TUBGCP4: variants seen among roughly 807,000 people sequenced by gnomAD.
TUBGCP4 encodes the protein gamma-tubulin complex component 4.
Under a neutral mutation model 91.6 loss-of-function variants are expected in TUBGCP4, and 54 were observed. The ratio of observed to expected loss-of-function variants is 0.59; its 90% confidence interval spans 0.47 to 0.74. The LOEUF (loss-of-function observed/expected upper bound fraction) is 0.74. TUBGCP4 is among the 30% of genes least tolerant of loss of function. The pLI is 0.00. For missense variants in TUBGCP4, 593 were observed against 800.9 expected (o/e 0.74, Z 3.13); for synonymous variants, 297 against 302.8 (o/e 0.98, Z 0.20).
At chr15:43,405,087 A>C in intron 17 of TUBGCP4, 115 bp from the exon 18 acceptor site, 1 of 1,231,688 alleles carries the variant, frequency 8.1e-7, no homozygotes, top group Non-Finnish European at 1.2e-6. Flanking sequence ...GTCAAAAGAA[A>C]CTCTTCAGTT....
At position 43,371,120 on chromosome 15, in the gene TUBGCP4, C is replaced by G; in HGVS notation, c.-235C>G. ...CGACTCAGTCTCCGCAGAGCCCGGG[C>G]GGGAGTAGCTGGTGGACCCCGTTGA... On this transcript the variant is annotated 5_prime_UTR_variant, in exon 1 of 18. Transcript: ENST00000564079. 1 of 590,208 alleles carries G rather than the reference C, an allele frequency of 1.7e-6. No individual in the cohort carries two copies. The highest frequency in any genetic ancestry group is 3.0e-6 in the Non-Finnish European group (1 of 328,518). 36.6% of individuals were successfully genotyped at this position (590,208 alleles called of 1,614,324 possible). A position where few individuals can be genotyped will look rare whatever the true frequency, so the allele number is the denominator to read the frequency against.
In TUBGCP4 at chr15:43,383,321, T is replaced by C; in HGVS notation, c.540T>C (p.His180=). The C allele has an allele frequency of 6.2e-7, 1 of 1,613,816 alleles. No homozygotes were observed. Among genetic ancestry groups the C allele is most frequent in the Non-Finnish European group, 8.5e-7 (1 of 1,179,800 alleles). ...SALEKILAVC[H]GVMYKQLSAW... is the part of the protein sequence containing the mutation. ...TGCCCAGAATCCTGGCCGTTTGTCA[T>C]GGGGTCATGTATAAACAGCTCTCAG... Residue 180 remains histidine (H), a synonymous_variant, in exon 7 of 18, where the codon CAT becomes CAC. Transcript: ENST00000564079.
chr15:43,392,035 A>G lies in TUBGCP4; in HGVS notation c.1015-3072A>G, dbSNP rs923467189. Among the ~76,000 whole-genome samples, 6 of 151,624 alleles carry G rather than the reference A, an allele frequency of 4.0e-5. 1 individual carries two copies. Among genetic ancestry groups the G allele is most frequent in the Non-Finnish European group, 1.5e-5 (1 of 67,924 alleles). On this transcript the variant is annotated intron_variant, in intron 9 of 17. Transcript: ENST00000564079. ...GTGCCACTGCATTCCAGCCTGGACA[A>G]TAGAGTAAGACTCCGTCTCAAAATA...
chr15:43,377,260 G>C (rs369778625), intron 4 of TUBGCP4, among the ~76,000 whole-genome samples, 193 bp downstream of exon 4: 19 of 152,258 alleles, frequency 1.2e-4, no homozygotes, highest in African/African-American at 4.6e-4. Context: ...CTTAATGTCT[G>C]ATATTAACGC....
rs536582469 is a variant in TUBGCP4, at chr15:43,371,495, T to C, written c.78+63T>C. 1.1e-4 allele frequency: 162 copies of C among 1,540,512 alleles called. No homozygotes were observed. In the African/African-American group the frequency reaches 1.8e-3, roughly 17 times the overall value. On this transcript the variant is annotated intron_variant, in intron 1 of 17. Transcript: ENST00000564079. Reference sequence around the variant, plus strand: ...AGGAGGGGGGACCTGAGCCAGCGCCTGGGGGAGTAGGCTGAGGGACCTAGC... The same window carrying C: ...AGGAGGGGGGACCTGAGCCAGCGCCCGGGGGAGTAGGCTGAGGGACCTAGC...
chr15:43,392,201 T>TA (rs2044484468), intron 9 of TUBGCP4, among the ~76,000 whole-genome samples: 1 of 151,736 alleles, frequency 6.6e-6, no homozygotes, highest in African/African-American at 2.4e-5. Flanking sequence ...TTTTTTTTTT[T>TA]ACTCTTTCCC....
chr15:43,402,027 C>T (rs2044692920), intron 15 of TUBGCP4, 177 bp downstream of exon 15: 2 of 711,684 alleles, frequency 2.8e-6, no homozygotes, highest in South Asian at 4.0e-5. Context: ...AATCCCAGCA[C>T]TTTGGGAGGC....
rs1336304440 is a variant in TUBGCP4, at chr15:43,409,106, A to C, written c.*3892A>C. 7.4e-6 allele frequency: 12 copies of C among 1,613,994 alleles called. No individual in the cohort carries two copies. Among genetic ancestry groups the C allele is most frequent in the Non-Finnish European group, 1.0e-5 (12 of 1,179,890 alleles). On this transcript the variant is annotated 3_prime_UTR_variant, in exon 18 of 18. Coordinates refer to ENST00000564079, the MANE Select transcript of TUBGCP4 (RefSeq NM_014444.5). Reference sequence around the variant, plus strand: ...GGTAAGCTGTGTTACACTGCAAGAAAAGAAGCAGAGCCAATGGGTTTGGTG... The same window carrying C: ...GGTAAGCTGTGTTACACTGCAAGAACAGAAGCAGAGCCAATGGGTTTGGTG...
chr15:43,394,588 T>C (rs972353640), intron 9 of TUBGCP4: 1 of 152,776 alleles, frequency 6.5e-6, no homozygotes, highest in Non-Finnish European at 1.5e-5. Flanking sequence ...ATTGATATGC[T>C]TGGACCTGTG....
chr15:43,408,190 A>C lies in TUBGCP4; in HGVS notation c.*2976A>C. The C allele has an allele frequency of 1.7e-6, 2 of 1,201,122 alleles. No homozygotes were observed. Among genetic ancestry groups the C allele is most frequent in the Non-Finnish European group, 2.3e-6 (2 of 858,428 alleles). The allele number at this position is 1,201,122 out of a possible 1,614,324, so 74.4% of individuals were successfully genotyped here. ...TACATCTGAATGCTTTCAAAAATAAATGCCCCATCAGACATAGTGTCTCAA... is the reference window on the plus strand; with the variant it reads ...TACATCTGAATGCTTTCAAAAATAACTGCCCCATCAGACATAGTGTCTCAA... On this transcript the variant is annotated 3_prime_UTR_variant, in exon 18 of 18. Transcript: ENST00000564079.
At chr15:43,374,946 A>G (rs1418389941) in intron 1 of TUBGCP4, among the ~76,000 whole-genome samples, 1 of 152,236 alleles carries the variant, frequency 6.6e-6, no homozygotes, top group African/African-American at 2.4e-5. Flanking sequence ...TCTGTTGCCC[A>G]GGCTGGAGGG....
Position 43,403,752 on chromosome 15 carries a change from G to GTCA in TUBGCP4, c.1801_1802insTCA (p.Gly601delinsValSer), listed in dbSNP as rs779856199. The stretch of plus-strand genomic sequence containing the variant: ...TTGTTCGCTGGTCAGTCAGAACCTA[G>GTCA]GCCCACTGGATGAGCGTGGAGCCGC... On this transcript the variant is annotated protein_altering_variant, in exon 16 of 18. Transcript: ENST00000564079. The GTCA allele has an allele frequency of 6.2e-7, 1 of 1,613,760 alleles. No homozygotes were observed. The highest frequency in any genetic ancestry group is 2.2e-5 in the East Asian group (1 of 44,870).
chr15:43,391,141 T>G (rs751552795), intron 9 of TUBGCP4, among the ~76,000 whole-genome samples: 42 of 152,218 alleles, frequency 2.8e-4, no homozygotes, highest in Non-Finnish European at 3.5e-4. Flanking sequence ...TCTTCCCTTC[T>G]GCCTCAGCCT....
At chr15:43,376,382 G>C in intron 2 of TUBGCP4, 121 bp from the exon 3 acceptor site, 1 of 1,601,982 alleles carries the variant, frequency 6.2e-7, no homozygotes, top group Non-Finnish European at 8.5e-7. Flanking sequence ...AAATATTCAA[G>C]TGAAGGCAAG....
In TUBGCP4 at chr15:43,396,820, G is replaced by C. The variant is rs1324554633; in HGVS notation, c.1172-394G>C. 2.6e-5 allele frequency among the ~76,000 whole-genome samples: 4 copies of C among 152,274 alleles called. No homozygotes were observed. The East Asian group carries it at 7.7e-4, about 29-fold the overall frequency. Reference sequence around the variant, plus strand: ...TAAGCCCCTGTTTATCTTGAAAAAAGAGCTGGACTCTTTTAGAGTCTGAAT... The same window carrying C: ...TAAGCCCCTGTTTATCTTGAAAAAACAGCTGGACTCTTTTAGAGTCTGAAT... On this transcript the variant is annotated intron_variant, in intron 11 of 17. Coordinates refer to ENST00000564079, the MANE Select transcript of TUBGCP4 (RefSeq NM_014444.5).
At chr15:43,374,333 G>A (rs924060966) in intron 1 of TUBGCP4, among the ~76,000 whole-genome samples, 1 of 152,140 alleles carries the variant, frequency 6.6e-6, no homozygotes, top group African/African-American at 2.4e-5. Context: ...TAAAGGCCAG[G>A]CACAGCGGCT....
At chr15:43,404,368 T>G (rs1285974794) in intron 16 of TUBGCP4, 45 bp from the exon 17 acceptor site, 1 of 1,610,876 alleles carries the variant, frequency 6.2e-7, no homozygotes, top group Non-Finnish European at 8.5e-7. Flanking sequence ...ATATGGAGAG[T>G]TGGTGAGCTG....
chr15:43,403,402 T>G, intron 15 of TUBGCP4: 1 of 260,824 alleles, frequency 3.8e-6, no homozygotes, highest in Non-Finnish European at 7.3e-6. Context: ...AGGAAGACAC[T>G]CTGCGGGTCT....
chr15:43,407,400 C>T lies in TUBGCP4; in HGVS notation c.*2186C>T, dbSNP rs766550469. 9.3e-6 allele frequency: 15 copies of T among 1,613,960 alleles called. No individual in the cohort carries two copies. The highest frequency in any genetic ancestry group is 8.9e-5 in the East Asian group (4 of 44,898). ...AAGTATCTTTAGTGAGAAACATAATCGTGTTTATATTTTGGATGCTGCTTG... is the reference window on the plus strand; with the variant it reads ...AAGTATCTTTAGTGAGAAACATAATTGTGTTTATATTTTGGATGCTGCTTG... On this transcript the variant is annotated 3_prime_UTR_variant, in exon 18 of 18. Transcript: ENST00000564079.
Sources: allele counts gnomAD v4.1 joint callset (sites outside exome capture counted in the v4.1 genomes callset), GRCh38; gene constraint gnomAD v4.1.1; transcripts MANE v1.5; gene names NCBI Gene and HGNC (gene_info 2026-07-23, HGNC 2026-07-21).